CRKL: variants seen among roughly 807,000 people sequenced by gnomAD.
The protein encoded by CRKL is CRK like proto-oncogene, adaptor protein.
CRKL carries 3 observed loss-of-function variants against 23.0 expected under a neutral mutation model. That is an observed-to-expected ratio of 0.13 (90% confidence interval 0.06 to 0.34). The LOEUF (loss-of-function observed/expected upper bound fraction) is 0.34, where lower values mean the gene tolerates loss of function less well. CRKL is among the 10% of genes least tolerant of loss of function. CRKL has a pLI of 1.00. For missense variants in CRKL, 256 were observed against 394.5 expected (o/e 0.65, Z 2.97); for synonymous variants, 188 against 160.7 (o/e 1.17, Z -1.28).
chr22:20,946,636 C>T (rs1221814478), intron 2 of CRKL, among the ~76,000 whole-genome samples: 1 of 152,006 alleles, frequency 6.6e-6, no homozygotes, highest in Non-Finnish European at 1.5e-5. Context: ...CAAGATTGGT[C>T]TGCCCTCTAA....
At chr22:20,919,729 G>A (rs1047191935) in intron 1 of CRKL, among the ~76,000 whole-genome samples, 2 of 151,916 alleles carry the variant, frequency 1.3e-5, no homozygotes, top group African/African-American at 4.8e-5. Flanking sequence ...TTTTTCCAGG[G>A]TTAGATGTTT....
At chr22:20,940,323 C>T (rs918809214) in intron 2 of CRKL, among the ~76,000 whole-genome samples, 1 of 152,168 alleles carries the variant, frequency 6.6e-6, no homozygotes, top group African/African-American at 2.4e-5. Flanking sequence ...TAAATTCTCA[C>T]AAACCATCTG....
chr22:20,925,327 G>A (rs188058401), intron 1 of CRKL, among the ~76,000 whole-genome samples: 2 of 151,632 alleles, frequency 1.3e-5, no homozygotes, highest in Admixed American at 1.3e-4. Context: ...GATTTCTGAG[G>A]GTCTTTAAGA....
chr22:20,931,557 G>C (rs1252068662), intron 1 of CRKL, among the ~76,000 whole-genome samples: 1 of 152,116 alleles, frequency 6.6e-6, no homozygotes, highest in Non-Finnish European at 1.5e-5. Context: ...CAGATGCAGG[G>C]TTCGTCCCTA....
chr22:20,927,513 CTTTTTTTTTT>C (rs1555919011), intron 1 of CRKL, among the ~76,000 whole-genome samples: 1 of 139,878 alleles, frequency 7.1e-6, no homozygotes, highest in Non-Finnish European at 1.5e-5. Flanking sequence ...AGTTTTCTAC[CTTTTTTTTTT>C]TTTTTTTAAC....
chr22:20,938,200 C>T (rs538834599), intron 2 of CRKL, among the ~76,000 whole-genome samples: 11 of 152,300 alleles, frequency 7.2e-5, no homozygotes, highest in Non-Finnish European at 1.6e-4. Flanking sequence ...GATAGTATTA[C>T]AGAGAATGAT....
intron 2 of CRKL, among the ~76,000 whole-genome samples, chr22:20,937,025 T>A (rs751662476): frequency 2.6e-5 from 4 of 152,118 alleles, no homozygotes; most frequent in Non-Finnish European, 5.9e-5. Context: ...CATACCCAAC[T>A]GTTTTTAGTA....
rs138882903 is a variant in CRKL, at chr22:20,917,987, C to T, written c.53C>T (p.Pro18Leu). ...GACCGCTCCGCCTGGTATATGGGGC[C>T]GGTGTCTCGCCAGGAGGCGCAGACC... ...SSDRSAWYMG[P>L]VSRQEAQTRL... The change falls in exon 1 of 3, where the codon CCG becomes CTG. Residue 18 changes from proline (P) to leucine (L), a missense_variant. Transcript: ENST00000354336. The T allele has an allele frequency of 1.2e-6, 2 of 1,614,144 alleles. No individual in the cohort carries two copies. The highest frequency in any genetic ancestry group is 1.7e-6 in the Non-Finnish European group (2 of 1,180,030).
intron 1 of CRKL, among the ~76,000 whole-genome samples, chr22:20,930,142 A>G (rs955366967): frequency 6.6e-6 from 1 of 152,138 alleles, no homozygotes; most frequent in Admixed American, 6.5e-5. Flanking sequence ...AATAGAAACT[A>G]TCTTTATCAA....
At chr22:20,944,458 G>A (rs1379641808) in intron 2 of CRKL, among the ~76,000 whole-genome samples, 1 of 152,140 alleles carries the variant, frequency 6.6e-6, no homozygotes, top group Non-Finnish European at 1.5e-5. Flanking sequence ...AGGCTGGAGT[G>A]CAGTGGTGCA....
intron 1 of CRKL, among the ~76,000 whole-genome samples, chr22:20,920,064 C>G (rs1920974534): frequency 6.6e-6 from 1 of 152,112 alleles, no homozygotes; most frequent in African/African-American, 2.4e-5. Context: ...ATCTTAGAAC[C>G]CACTGTAGTG....
In CRKL at chr22:20,950,102, A is replaced by G. The variant is rs1034001863; in HGVS notation, c.*257A>G. On this transcript the variant is annotated 3_prime_UTR_variant, in exon 3 of 3. Coordinates refer to ENST00000354336, the MANE Select transcript of CRKL (RefSeq NM_005207.4). ...ACTGGAAATACTGATGGAAGCACAC[A>G]AGTGGAGAGAAGTTGACATGGAAAG... 4.4e-6 allele frequency: 2 copies of G among 454,194 alleles called. No homozygotes were observed. Among genetic ancestry groups the G allele is most frequent in the African/African-American group, 2.0e-5 (1 of 48,826 alleles). The allele number at this position is 454,194 out of a possible 1,614,324, so 28.1% of individuals were successfully genotyped here. A position where few individuals can be genotyped will look rare whatever the true frequency, so the allele number is the denominator to read the frequency against.
At chr22:20,941,699 G>A (rs557686474) in intron 2 of CRKL, among the ~76,000 whole-genome samples, 116 of 145,700 alleles carry the variant, frequency 8.0e-4, no homozygotes, top group African/African-American at 2.8e-3. Context: ...GGTTCAAGCA[G>A]TTCTCTGCCT....
chr22:20,929,403 G>T (rs1013076979), intron 1 of CRKL, among the ~76,000 whole-genome samples: 6 of 152,010 alleles, frequency 3.9e-5, no homozygotes, highest in Non-Finnish European at 7.4e-5. Flanking sequence ...CTGACCTCTT[G>T]ATCCGCCCGC....
At chr22:20,921,955 G>A (rs1415396467) in intron 1 of CRKL, among the ~76,000 whole-genome samples, 1 of 148,652 alleles carries the variant, frequency 6.7e-6, no homozygotes, top group Non-Finnish European at 1.5e-5. Flanking sequence ...TGATCCGCCC[G>A]CCTCGGCCTC....
In CRKL at chr22:20,926,515, G is replaced by A. The variant is rs1452300880; in HGVS notation, c.312-7264G>A. On this transcript the variant is annotated intron_variant, in intron 1 of 2. Transcript: ENST00000354336. ...AAGAGAAAGGGATTAGGGTGGGTGC[G>A]TGATTCTTTTCAACAGGAAGAATCT... Among the ~76,000 whole-genome samples the A allele has an allele frequency of 2.0e-5, 3 of 152,102 alleles. No homozygotes were observed. In the South Asian group the frequency reaches 6.2e-4, roughly 32 times the overall value.
intron 1 of CRKL, among the ~76,000 whole-genome samples, chr22:20,928,364 G>A (rs1381125111): frequency 6.6e-6 from 1 of 151,856 alleles, no homozygotes; most frequent in Non-Finnish European, 1.5e-5. Flanking sequence ...GGCTGAGGTG[G>A]GAGGATCACT....
intron 1 of CRKL, 129 bp from the exon 2 acceptor site, chr22:20,933,650 A>G: frequency 7.5e-6 from 6 of 796,836 alleles, no homozygotes; most frequent in Non-Finnish European, 1.2e-5. Context: ...CCTGGGCGAC[A>G]AGAGCAAAAC....
intron 2 of CRKL, among the ~76,000 whole-genome samples, chr22:20,940,131 C>T (rs1475395905): frequency 6.6e-6 from 1 of 152,168 alleles, no homozygotes; most frequent in East Asian, 1.9e-4. Flanking sequence ...CTAGCATATT[C>T]ATTACCCTCC....
Sources: allele counts gnomAD v4.1 joint callset (sites outside exome capture counted in the v4.1 genomes callset), GRCh38; gene constraint gnomAD v4.1.1; transcripts MANE v1.5; gene names NCBI Gene and HGNC (gene_info 2026-07-23, HGNC 2026-07-21).